CNTN4: variants seen among roughly 807,000 people sequenced by gnomAD.
The protein encoded by CNTN4 is contactin-4.
CNTN4 carries 77 observed loss-of-function variants against 122.5 expected under a neutral mutation model. That is an observed-to-expected ratio of 0.63 (90% CI 0.52 to 0.76). The LOEUF (loss-of-function observed/expected upper bound fraction) is 0.76, where lower values mean the gene tolerates loss of function less well. CNTN4 is among the 30% of genes least tolerant of loss of function. CNTN4 has a pLI of 0.00. For synonymous variants in CNTN4, 512 were observed against 447.0 expected (o/e 1.15, Z -1.83); for missense variants, 1,256 against 1,259.1 (o/e 1.00, Z 0.04).
chr3:2,696,782 A>C (rs1453394483), intron 4 of CNTN4, among the ~76,000 whole-genome samples: 1 of 152,124 alleles, frequency 6.6e-6, no homozygotes, highest in Non-Finnish European at 1.5e-5. Flanking sequence ...AGCATATATG[A>C]TTCTCATTAT....
intron 4 of CNTN4, among the ~76,000 whole-genome samples, chr3:2,654,948 G>A (rs920329810): frequency 6.6e-6 from 1 of 152,142 alleles, no homozygotes; most frequent in African/African-American, 2.4e-5. Flanking sequence ...AAACACTTCA[G>A]AATGTATAGA....
chr3:2,799,658 T>A (rs2092297825), intron 6 of CNTN4, among the ~76,000 whole-genome samples: 1 of 152,240 alleles, frequency 6.6e-6, no homozygotes, highest in South Asian at 2.1e-4. Context: ...GAGACGGAAT[T>A]TCGCCACGTT....
At chr3:2,688,358 C>G (rs1030253164) in intron 4 of CNTN4, among the ~76,000 whole-genome samples, 1 of 152,178 alleles carries the variant, frequency 6.6e-6, no homozygotes, top group Non-Finnish European at 1.5e-5. Context: ...CCAAAGGAAT[C>G]ATTTGATGTG....
At chr3:2,716,092 G>A (rs967611690) in intron 4 of CNTN4, among the ~76,000 whole-genome samples, 2 of 152,188 alleles carry the variant, frequency 1.3e-5, no homozygotes, top group Non-Finnish European at 2.9e-5. Flanking sequence ...AGCCTACTGA[G>A]TAGCTGAGAC....
chr3:2,380,252 A>G lies in CNTN4; in HGVS notation c.-89+41019A>G, dbSNP rs80215187. Among the ~76,000 whole-genome samples, 73 of 152,288 alleles carry G rather than the reference A, an allele frequency of 4.8e-4. No homozygotes were observed. The East Asian group carries it at 0.011, about 23-fold the overall frequency. ...AAGCAGCCCTTCCTTTTTATGTAAA[A>G]TTTAGATATTGGCAGCGTATCTCAG... On this transcript the variant is annotated intron_variant, in intron 3 of 24. Coordinates refer to ENST00000418658, the MANE Select transcript of CNTN4 (RefSeq NM_175607.3).
chr3:2,631,889 C>T (rs10591540), intron 4 of CNTN4, among the ~76,000 whole-genome samples: 1 of 118,752 alleles, frequency 8.4e-6, no homozygotes, highest in South Asian at 2.6e-4. Context: ...CAAAAAAAAA[C>T]AACAACTAAA....
intron 7 of CNTN4, among the ~76,000 whole-genome samples, chr3:2,828,901 C>G (rs564271946): frequency 1.3e-5 from 2 of 152,094 alleles, no homozygotes; most frequent in African/African-American, 4.8e-5. Flanking sequence ...CCACACCAGG[C>G]TAATTATTTT....
rs941845562 is a variant in CNTN4 at position 2,703,825 on chromosome 3, CA to C, written c.56-32382del. Among the ~76,000 whole-genome samples the C allele has an allele frequency of 7.3e-5, 11 of 149,888 alleles. No individual in the cohort carries two copies. The East Asian group carries it at 9.7e-4, about 13-fold the overall frequency. ...ATAGCCCTATATGTGTTTATTTGAC[CA>C]AAAAAAATGAAAATAAAAGAGCTAA... On this transcript the variant is annotated intron_variant, in intron 4 of 24. Coordinates refer to ENST00000418658, the MANE Select transcript of CNTN4 (RefSeq NM_175607.3).
chr3:2,571,251 G>A lies in CNTN4; in HGVS notation c.-88-165G>A, dbSNP rs528832345. Reference sequence around the variant, plus strand: ...ATTATTATCTGCAAGAAAAAAATAGGAGTCTTATTAGCTTTATATTCATAA... The same window carrying A: ...ATTATTATCTGCAAGAAAAAAATAGAAGTCTTATTAGCTTTATATTCATAA... On this transcript the variant is annotated intron_variant, in intron 3 of 24. Transcript: ENST00000418658. 346 of 545,870 alleles carry A rather than the reference G, an allele frequency of 6.3e-4. 2 individuals are homozygous for A. The highest frequency in any genetic ancestry group is 5.7e-3 in the African/African-American group (302 of 52,690). 33.8% of individuals were successfully genotyped at this position (545,870 alleles called of 1,614,324 possible). A position where few individuals can be genotyped will look rare whatever the true frequency, so the allele number is the denominator to read the frequency against.
intron 3 of CNTN4, among the ~76,000 whole-genome samples, chr3:2,403,042 C>G (rs2046912969): frequency 6.6e-6 from 1 of 152,092 alleles, no homozygotes; most frequent in Non-Finnish European, 1.5e-5. Flanking sequence ...CTTTTGAGGT[C>G]TGTGAGAATC....
intron 2 of CNTN4, among the ~76,000 whole-genome samples, chr3:2,109,618 A>G (rs1297295035): frequency 6.6e-6 from 1 of 152,218 alleles, no homozygotes; most frequent in Non-Finnish European, 1.5e-5. Flanking sequence ...GGACAAGAAG[A>G]CAATCAAACA....
intron 3 of CNTN4, among the ~76,000 whole-genome samples, chr3:2,356,047 G>C (rs2044857789): frequency 6.6e-6 from 1 of 152,008 alleles, no homozygotes; most frequent in Non-Finnish European, 1.5e-5. Context: ...TGCTAATCTT[G>C]TATCAAAGAG....
intron 4 of CNTN4, among the ~76,000 whole-genome samples, chr3:2,613,147 TA>T (rs1427161448): frequency 6.6e-6 from 1 of 151,008 alleles, no homozygotes; most frequent in African/African-American, 2.4e-5. Flanking sequence ...TAGTTTTACT[TA>T]AGATAGCTTC....
intron 6 of CNTN4, among the ~76,000 whole-genome samples, chr3:2,769,418 T>C (rs111430643): frequency 0.016 from 2,390 of 151,378 alleles, 66 homozygotes; most frequent in African/African-American, 0.055. Context: ...TGAGCCGAGA[T>C]TGTGCCACTG....
chr3:2,470,043 C>G (rs1287983855), intron 3 of CNTN4, among the ~76,000 whole-genome samples: 2 of 151,318 alleles, frequency 1.3e-5, no homozygotes, highest in Non-Finnish European at 2.9e-5. Context: ...TATAACATTT[C>G]TTTGATGACT....
chr3:2,187,647 A>C (rs370081041), intron 2 of CNTN4, among the ~76,000 whole-genome samples: 1 of 152,160 alleles, frequency 6.6e-6, no homozygotes. Context: ...GTGTGAGGAC[A>C]CAATATCGAC....
chr3:2,683,179 T>C (rs1043268522), intron 4 of CNTN4, among the ~76,000 whole-genome samples: 1 of 152,036 alleles, frequency 6.6e-6, no homozygotes. Flanking sequence ...TTTGCAGACT[T>C]GGGTATAGTT....
intron 3 of CNTN4, among the ~76,000 whole-genome samples, chr3:2,469,668 C>T (rs2075617470): frequency 6.6e-6 from 1 of 152,160 alleles, no homozygotes; most frequent in African/African-American, 2.4e-5. Context: ...ACCAGTTTTT[C>T]ACCTAGTTTA....
intron 3 of CNTN4, among the ~76,000 whole-genome samples, chr3:2,379,993 G>GTTGCGGTGAGCTGAGATCGCACCATTGCA (rs2045957695): frequency 6.7e-6 from 1 of 149,576 alleles, no homozygotes; most frequent in Admixed American, 6.7e-5. Context: ...GGAGATGGAG[G>GTTGCGGTGAGCTGAGATCGCACCATTGCA]TTGCGGTGAG....
Sources: allele counts gnomAD v4.1 joint callset (sites outside exome capture counted in the v4.1 genomes callset), GRCh38; gene constraint gnomAD v4.1.1; transcripts MANE v1.5; gene names NCBI Gene and HGNC (gene_info 2026-07-23, HGNC 2026-07-21).